The following PCNT variants were observed in gnomAD, a reference collection of about 807,000 sequenced individuals.
The protein encoded by PCNT is kendrin.
Under a neutral mutation model 380.4 loss-of-function variants are expected in PCNT, and 319 were observed. That is an observed-to-expected ratio of 0.84 (90% CI 0.77 to 0.92). The LOEUF (loss-of-function observed/expected upper bound fraction) is 0.92, where lower values mean the gene tolerates loss of function less well. Ranked by LOEUF, PCNT falls within the 40% of genes least tolerant of loss-of-function variation. The probability of loss-of-function intolerance (pLI) is 0.00; values close to 1 mark genes in which losing one functional copy is unlikely to be tolerated. For synonymous variants in PCNT, 1,845 were observed against 1,735.2 expected, an observed-to-expected ratio of 1.06 and a Z score of -1.57; for missense variants, 4,400 against 4,255.3, an observed-to-expected ratio of 1.03 and a Z score of -0.95.
In PCNT at chr21:46,324,173, G is replaced by A. The variant is rs2083274309; in HGVS notation, c.-56G>A. 3 of 1,466,574 alleles carry A rather than the reference G, an allele frequency of 2.0e-6. No homozygotes were observed. Among genetic ancestry groups the A allele is most frequent in the Non-Finnish European group, 9.5e-7 (1 of 1,057,076 alleles). The allele number at this position is 1,466,574 out of a possible 1,614,324, so 90.8% of individuals were successfully genotyped here. A position where few individuals can be genotyped will look rare whatever the true frequency, so the allele number is the denominator to read the frequency against. On this transcript the variant is annotated 5_prime_UTR_variant, in exon 1 of 47. Coordinates refer to ENST00000359568, the MANE Select transcript of PCNT (RefSeq NM_006031.6). ...GGGGAGGGAGTGTAAATAGAGCGAA[G>A]GCTGCTCTGTGTCAGCCCCGTCACC...
In PCNT at chr21:46,391,288, C is replaced by G. The variant is rs747661092; in HGVS notation, c.4128C>G (p.Ala1376=). 1 of 1,584,802 alleles carries G rather than the reference C, an allele frequency of 6.3e-7. No homozygotes were observed. The highest frequency in any genetic ancestry group is 1.2e-5 in the South Asian group (1 of 86,824). The part of the protein sequence containing the change: ...ESLRRQLQQA[A]QEQAALREEC... ...TGAGACGGCAGCTGCAGCAGGCGGC[C>G]CAGGAGCAGGCGGCGCTGAGGGAGG... is the stretch of plus-strand genomic sequence containing the variant. Residue 1376 remains alanine, a synonymous_variant, in exon 21 of 47, where the codon GCC becomes GCG. Coordinates refer to ENST00000359568, the MANE Select transcript of PCNT (RefSeq NM_006031.6).
chr21:46,430,320 G>T, intron 36 of PCNT, 88 bp downstream of exon 36: 1 of 1,430,602 alleles, frequency 7.0e-7, no homozygotes. Flanking sequence ...CAGAACCTCT[G>T]GTGGGCCGCA....
At chr21:46,428,306 G>A (rs1307533807) in intron 34 of PCNT, 89 bp from the exon 35 acceptor site, 5 of 1,186,434 alleles carry the variant, frequency 4.2e-6, no homozygotes, top group Admixed American at 3.9e-5. Flanking sequence ...TTGTCCCGGC[G>A]GAGCTGGTTT....
chr21:46,332,958 A>G (rs2083604018), intron 2 of PCNT, among the ~76,000 whole-genome samples: 1 of 152,094 alleles, frequency 6.6e-6, no homozygotes, highest in South Asian at 2.1e-4. Context: ...ACAAAAAAAT[A>G]AAAAATAAGC....
In PCNT at chr21:46,431,643, TCA is replaced by T; in HGVS notation, c.8181_8182del (p.Arg2728LeufsTer14). On this transcript the variant is annotated frameshift_variant, in exon 38 of 47. Transcript: ENST00000359568. LOFTEE classifies it high-confidence loss of function. Reference sequence around the variant, plus strand: ...GCAGAAGGAGCTGCGTATCGAGCACTCACGCTGCGAGGCCTTGCTGGCTCAGG... The same window carrying T: ...GCAGAAGGAGCTGCGTATCGAGCACTCGCTGCGAGGCCTTGCTGGCTCAGG... ...NLQKELRIEH[S>X]RCEALLAQER... is the part of the protein sequence containing the mutation. 1 of 1,613,914 alleles carries T rather than the reference TCA, an allele frequency of 6.2e-7. No individual in the cohort carries two copies. Among genetic ancestry groups the T allele is most frequent in the Non-Finnish European group, 8.5e-7 (1 of 1,179,912 alleles).
chr21:46,411,646 A>T lies in PCNT; in HGVS notation c.5573A>T (p.Glu1858Val), dbSNP rs778846033. The T allele has an allele frequency of 6.2e-7, 1 of 1,612,996 alleles. No homozygotes were observed. The highest frequency in any genetic ancestry group is 1.7e-5 in the Admixed American group (1 of 60,030). The change falls in exon 28 of 47, where the codon GAG becomes GTG. Residue 1858 changes from glutamate (E) to valine (V), a missense_variant. By Grantham distance (121) the Glu-to-Val change is moderately radical. Transcript: ENST00000359568. Reference protein sequence around the residue: ...EVEDMASRIQEFEAALKAKEA... With the variant: ...EVEDMASRIQVFEAALKAKEA... ...GAAGACATGGCCTCCCGGATCCAGG[A>T]GTTCGAAGCGGCCCTGAAAGCAAAG... is the stretch of plus-strand genomic sequence containing the variant.
At chr21:46,391,924 C>T (rs532674263) in intron 21 of PCNT, among the ~76,000 whole-genome samples, 15 of 152,296 alleles carry the variant, frequency 9.8e-5, no homozygotes, top group African/African-American at 3.1e-4. Flanking sequence ...ACATTGCATT[C>T]GTGCATCTCA....
intron 29 of PCNT, among the ~76,000 whole-genome samples, chr21:46,413,461 C>G (rs1362363992): frequency 6.6e-6 from 1 of 152,242 alleles, no homozygotes; most frequent in African/African-American, 2.4e-5. Flanking sequence ...GGAGCACAGT[C>G]CGTGCCTGCA....
chr21:46,337,064 C>T (rs1463669403), intron 3 of PCNT, among the ~76,000 whole-genome samples: 1 of 152,010 alleles, frequency 6.6e-6, no homozygotes, highest in Non-Finnish European at 1.5e-5. Flanking sequence ...GTGGCAGGAT[C>T]TCGGCTTGCT....
chr21:46,392,783 G>T (rs1433389503), intron 21 of PCNT, among the ~76,000 whole-genome samples: 4 of 151,944 alleles, frequency 2.6e-5, no homozygotes, highest in Non-Finnish European at 4.4e-5. Flanking sequence ...TCCTTTTCTT[G>T]GTTCATTTCT....
Position 46,353,343 on chromosome 21 carries a change from C to A in PCNT, c.1679+17C>A. On this transcript the variant is annotated intron_variant, in intron 10 of 46. Coordinates refer to ENST00000359568, the MANE Select transcript of PCNT (RefSeq NM_006031.6). ...GGAAGTTGGGTAAGCAAAGCAGTTC[C>A]AGCCTCAGTGAGTTTCTGCCATACA... 6.2e-7 allele frequency: 1 copy of A among 1,604,570 alleles called. No homozygotes were observed. The highest frequency in any genetic ancestry group is 1.7e-5 in the Admixed American group (1 of 59,998).
Position 46,363,784 on chromosome 21 carries a change from G to A in PCNT, c.2459G>A (p.Arg820His). 11 of 1,613,714 alleles carry A rather than the reference G, an allele frequency of 6.8e-6. No homozygotes were observed. The highest frequency in any genetic ancestry group is 3.3e-5 in the South Asian group (3 of 91,086). ...LERSLTEQQG[R>H]LQQLEQDLTS... Reference sequence around the variant, plus strand: ...AGGTCCTTGACGGAGCAGCAGGGCCGCCTGCAGCAGCTGGAACAGGACCTC... The same window carrying A: ...AGGTCCTTGACGGAGCAGCAGGGCCACCTGCAGCAGCTGGAACAGGACCTC... The change falls in exon 14 of 47, where the codon CGC becomes CAC. Residue 820 changes from arginine to histidine, a missense_variant. Physicochemically the swap from Arg to His is conservative, Grantham distance 29. Coordinates refer to ENST00000359568, the MANE Select transcript of PCNT (RefSeq NM_006031.6).
intron 43 of PCNT, among the ~76,000 whole-genome samples, chr21:46,441,396 A>C (rs1009241306): frequency 6.6e-6 from 1 of 152,036 alleles, no homozygotes; most frequent in African/African-American, 2.4e-5. Context: ...TTCCCCCTAA[A>C]CACTGTGCGG....
rs570229446 is a variant in PCNT at position 46,382,277 on chromosome 21, G to A, written c.3312+437G>A. ...TTCACGGTGTTGTGCATTCAGTGGT[G>A]GAAGCGCATTCATGGTGTTGTGCAT... On this transcript the variant is annotated intron_variant, in intron 16 of 46. Coordinates refer to ENST00000359568, the MANE Select transcript of PCNT (RefSeq NM_006031.6). Among the ~76,000 whole-genome samples, 114 of 145,522 alleles carry A rather than the reference G, an allele frequency of 7.8e-4. 15 individuals carry two copies. The highest frequency in any genetic ancestry group is 1.1e-3 in the Non-Finnish European group (75 of 66,062).
chr21:46,349,631 T>A (rs1008116781), intron 7 of PCNT, 53 bp from the exon 8 acceptor site: 1 of 1,588,520 alleles, frequency 6.3e-7, no homozygotes, highest in African/African-American at 1.3e-5. Context: ...CTGAGGTCGC[T>A]GTTGAGGAGA....
intron 21 of PCNT, among the ~76,000 whole-genome samples, chr21:46,395,966 G>C (rs4818839): frequency 6.9e-6 from 1 of 144,578 alleles, no homozygotes; most frequent in African/African-American, 2.5e-5. Flanking sequence ...TCAGCAGCAG[G>C]CACTCCATCT....
At chr21:46,398,977 A>G (rs1478976853) in intron 24 of PCNT, among the ~76,000 whole-genome samples, 1 of 150,788 alleles carries the variant, frequency 6.6e-6, no homozygotes, top group Non-Finnish European at 1.5e-5. Flanking sequence ...CCGCCACCAC[A>G]CCCCGCTAAT....
rs1368916889 is a variant in PCNT at position 46,412,883 on chromosome 21, G to A, written c.6041G>A (p.Cys2014Tyr). The part of the protein sequence containing the change: ...VLVTLKDAPL[C>Y]KQEGVMSVLT... The stretch of plus-strand genomic sequence containing the variant: ...GTGACGTTGAAGGATGCACCTCTCT[G>A]CAAGCAAGAAGGCGTGATGTCAGTG... The change falls in exon 29 of 47, where the codon TGC (cysteine) becomes TAC (tyrosine). Residue 2014 changes from cysteine (C) to tyrosine (Y), a missense_variant. Transcript: ENST00000359568. The A allele has an allele frequency of 6.2e-7, 1 of 1,612,802 alleles. No homozygotes were observed. The highest frequency in any genetic ancestry group is 8.5e-7 in the Non-Finnish European group (1 of 1,180,028).
intron 2 of PCNT, among the ~76,000 whole-genome samples, chr21:46,333,468 G>A (rs62224208): frequency 4.0e-5 from 6 of 150,544 alleles, no homozygotes; most frequent in East Asian, 2.0e-4. Flanking sequence ...TTAGCCGGGC[G>A]TGGTGGCATG....
Sources: gnomAD v4.1 joint callset for allele counts (sites outside exome capture counted in the v4.1 genomes callset) on GRCh38, gnomAD v4.1.1 for gene constraint, MANE v1.5 for transcripts, NCBI Gene and HGNC (gene_info 2026-07-23, HGNC 2026-07-21) for gene names.